The following CHRNA3 variants were observed in gnomAD, a reference collection of about 807,000 sequenced individuals.
CHRNA3 encodes neuronal acetylcholine receptor subunit alpha-3.
CHRNA3 carries 34 observed loss-of-function variants against 41.9 expected under a neutral mutation model. The observed-to-expected ratio is 0.81, with a 90% confidence interval of 0.62 to 1.08. CHRNA3 has a LOEUF of 1.08. CHRNA3 is among the 50% of genes least tolerant of loss of function. CHRNA3 has a pLI of 0.00. For missense variants in CHRNA3, 542 were observed against 638.3 expected (o/e 0.85, Z 1.63); for synonymous variants, 281 against 265.2 (o/e 1.06, Z -0.58).
At chr15:78,619,100 C>T (rs2053511058) in intron 1 of CHRNA3, 185 bp from the exon 2 acceptor site, 1 of 661,952 alleles carries the variant, frequency 1.5e-6, no homozygotes, top group South Asian at 1.9e-5. Flanking sequence ...CCAAGAGGGG[C>T]AGGATTCTAC....
In CHRNA3 at chr15:78,597,536, C is replaced by A. The variant is rs530030279; in HGVS notation, c.1390-804G>T. On this transcript the variant is annotated intron_variant, in intron 5 of 5. Coordinates refer to ENST00000326828, the MANE Select transcript of CHRNA3 (RefSeq NM_000743.5). ...CTCTTTCCCTCCCCACTGCCCTCTC[C>A]ACGATGCCCAGCTGATCAAAAGTCA... Among the ~76,000 whole-genome samples the A allele has an allele frequency of 4.6e-5, 7 of 152,314 alleles. No individual in the cohort carries two copies. In the South Asian group the frequency reaches 1.4e-3, roughly 32 times the overall value.
intron 4 of CHRNA3, 79 bp downstream of exon 4, chr15:78,616,945 A>T: frequency 1.1e-6 from 1 of 907,720 alleles, no homozygotes; most frequent in Non-Finnish European, 1.7e-6. Flanking sequence ...AAGGAAGGCC[A>T]GGTTTTAAGC....
rs149875687 is a variant in CHRNA3, at chr15:78,602,081, G to A, written c.561C>T (p.Ile187=). ...FGSWSYDKAK[I]DLVLIGSSMN... is the part of the protein sequence containing the mutation. ...TGGAAGAGCCGATCAGGACCAGATC[G>A]ATTTTCGCCTTATCGTAGGACCAGG... The change falls in exon 5 of 6, where the codon ATC becomes ATT. Residue 187 remains isoleucine (I), a synonymous_variant. Transcript: ENST00000326828. 9 of 1,614,034 alleles carry A rather than the reference G, an allele frequency of 5.6e-6. No individual in the cohort carries two copies. The highest frequency in any genetic ancestry group is 7.6e-6 in the Non-Finnish European group (9 of 1,180,040).
intron 3 of CHRNA3, among the ~76,000 whole-genome samples, chr15:78,617,985 G>A (rs1430215071): frequency 2.0e-5 from 3 of 152,210 alleles, no homozygotes; most frequent in African/African-American, 7.2e-5. Context: ...AGTGGCTTCT[G>A]CCTGTAACCC....
chr15:78,603,761 T>C (rs1197072479), intron 4 of CHRNA3, among the ~76,000 whole-genome samples: 1 of 152,164 alleles, frequency 6.6e-6, no homozygotes, highest in Admixed American at 6.6e-5. Context: ...TAACTATCTT[T>C]CCTCTGGTTG....
chr15:78,597,266 C>T (rs2053127839), intron 5 of CHRNA3, among the ~76,000 whole-genome samples: 2 of 151,964 alleles, frequency 1.3e-5, no homozygotes, highest in African/African-American at 4.8e-5. Context: ...CCTGTCTCTA[C>T]CAAAAATACA....
At position 78,596,432 on chromosome 15, in the gene CHRNA3, C is replaced by A; in HGVS notation, c.*172G>T. 3 of 1,280,592 alleles carry A rather than the reference C, an allele frequency of 2.3e-6. No homozygotes were observed. The highest frequency in any genetic ancestry group is 9.8e-7 in the Non-Finnish European group (1 of 1,024,310). 79.3% of individuals were successfully genotyped at this position (1,280,592 alleles called of 1,614,324 possible). ...AATGTTCATTTATCGGTAATAAATA[C>A]TCTTGACATTTTTTTTTTTGCATGA... On this transcript the variant is annotated 3_prime_UTR_variant, in exon 6 of 6. Coordinates refer to ENST00000326828, the MANE Select transcript of CHRNA3 (RefSeq NM_000743.5).
chr15:78,598,674 G>A (rs534745727), intron 5 of CHRNA3, among the ~76,000 whole-genome samples: 11 of 152,188 alleles, frequency 7.2e-5, no homozygotes, highest in African/African-American at 2.6e-4. Flanking sequence ...TTGAGTAGCT[G>A]GGATTACAGG....
Position 78,618,914 on chromosome 15 carries a change from C to A in CHRNA3, c.84G>T (p.Val28=). The change falls in exon 2 of 6, where the codon GTG becomes GTT. Residue 28 remains valine, a splice_region_variant and synonymous_variant. Transcript: ENST00000326828. The stretch of plus-strand genomic sequence containing the variant: ...GGTGCTCAGCCTCTGAGGCCCTGGC[C>A]ACTGTGGGAAGCAGCCCTGTCAGTC... ...LLLLLLSLLP[V]ARASEAEHRL... 1 of 1,613,228 alleles carries A rather than the reference C, an allele frequency of 6.2e-7. No individual in the cohort carries two copies. The highest frequency in any genetic ancestry group is 8.5e-7 in the Non-Finnish European group (1 of 1,179,956).
intron 4 of CHRNA3, among the ~76,000 whole-genome samples, 153 bp from the exon 5 acceptor site, chr15:78,602,417 C>G (rs3743078): frequency 0.61 from 93,333 of 152,016 alleles, 31,134 homozygotes; most frequent in Non-Finnish European, 0.77. Context: ...ATTTCCTGGC[C>G]CCATTTACCA....
chr15:78,599,798 C>G (rs1209759890), intron 5 of CHRNA3: 2 of 23,070 alleles, frequency 8.7e-5, no homozygotes. Flanking sequence ...GGCAGATCAC[C>G]TGAGGTCGGG....
At chr15:78,607,307 A>G (rs904857405) in intron 4 of CHRNA3, 4 of 152,222 alleles carry the variant, frequency 2.6e-5, no homozygotes, top group African/African-American at 9.6e-5. Context: ...ATTCTCTAAA[A>G]AGGTTACAAT....
chr15:78,597,518 C>T (rs2053132672), intron 5 of CHRNA3, among the ~76,000 whole-genome samples: 1 of 152,158 alleles, frequency 6.6e-6, no homozygotes, highest in African/African-American at 2.4e-5. Flanking sequence ...TCACTCTTTC[C>T]CTCCCCACTG....
intron 5 of CHRNA3, among the ~76,000 whole-genome samples, chr15:78,597,555 A>G (rs2053133232): frequency 6.6e-6 from 1 of 151,600 alleles, no homozygotes; most frequent in African/African-American, 2.4e-5. Flanking sequence ...CAGCTGATCA[A>G]AAGTCATTTT....
rs778777491 is a variant in CHRNA3, at chr15:78,618,765, C to G, written c.222+11G>C. 6.2e-7 allele frequency: 1 copy of G among 1,613,942 alleles called. No homozygotes were observed. The highest frequency in any genetic ancestry group is 8.5e-7 in the Non-Finnish European group (1 of 1,180,024). ...TCCCCATGGCCACGGCTCGTGGCTT[C>G]CAGCACTCACCACCTTCACCAGCTG... is the stretch of plus-strand genomic sequence containing the variant. On this transcript the variant is annotated intron_variant, in intron 2 of 5. Transcript: ENST00000326828.
At chr15:78,609,413 G>A (rs565732135) in intron 4 of CHRNA3, among the ~76,000 whole-genome samples, 127 of 152,182 alleles carry the variant, frequency 8.3e-4, no homozygotes, top group Non-Finnish European at 1.6e-3. Flanking sequence ...AAGAGAGTGG[G>A]GGCCAATATT....
intron 3 of CHRNA3, among the ~76,000 whole-genome samples, chr15:78,618,210 G>A (rs1429499747): frequency 2.6e-5 from 4 of 152,080 alleles, no homozygotes; most frequent in Admixed American, 2.6e-4. Flanking sequence ...TCACGCCACA[G>A]CACTCCGGCC....
At chr15:78,620,672 G>C (rs567085537) in intron 1 of CHRNA3, 41 bp downstream of exon 1, 29 of 1,497,722 alleles carry the variant, frequency 1.9e-5, no homozygotes, top group Non-Finnish European at 2.5e-5. Context: ...GCCCCTTCTC[G>C]GGCGCCCGTC....
At chr15:78,613,658 C>T (rs2053416491) in intron 4 of CHRNA3, among the ~76,000 whole-genome samples, 1 of 148,186 alleles carries the variant, frequency 6.7e-6, no homozygotes, top group South Asian at 2.2e-4. Flanking sequence ...CAACATGGCA[C>T]ATGTATACAT....
Sources: allele counts gnomAD v4.1 joint callset (sites outside exome capture counted in the v4.1 genomes callset), GRCh38; gene constraint gnomAD v4.1.1; transcripts MANE v1.5; gene names NCBI Gene and HGNC (gene_info 2026-07-23, HGNC 2026-07-21).